TSPAN18: variants seen among roughly 807,000 people sequenced by gnomAD.
TSPAN18 encodes tetraspanin 18, also known as tetraspanin-18.
A neutral mutation model predicts 27.3 loss-of-function variants in TSPAN18; 14 were observed. The ratio of observed to expected loss-of-function variants is 0.51; its 90% CI spans 0.34 to 0.80. TSPAN18 has a LOEUF of 0.80. TSPAN18 is among the 30% of genes least tolerant of loss of function. TSPAN18 has a pLI of 0.01. For missense variants in TSPAN18, 268 were observed against 323.9 expected (o/e 0.83, Z 1.32); for synonymous variants, 143 against 136.5 (o/e 1.05, Z -0.33).
At chr11:44,782,719 G>A (rs770607853) in intron 2 of TSPAN18, among the ~76,000 whole-genome samples, 3 of 152,098 alleles carry the variant, frequency 2.0e-5, no homozygotes, top group African/African-American at 4.8e-5. Context: ...GTTGCGTAAC[G>A]GTATCGCATT....
chr11:44,929,134 T>A lies in TSPAN18; in HGVS notation c.703T>A (p.Phe235Ile). 1 of 1,613,488 alleles carries A rather than the reference T, an allele frequency of 6.2e-7. No individual in the cohort carries two copies. Among genetic ancestry groups the A allele is most frequent in the Non-Finnish European group, 8.5e-7 (1 of 1,180,032 alleles). ...TGCTCTTTTTCTTTTTTTGCAGCTTTTCGCCATGATCTTTGCCATGTGCCT... is the reference window on the plus strand; with the variant it reads ...TGCTCTTTTTCTTTTTTTGCAGCTTATCGCCATGATCTTTGCCATGTGCCT... ...LAIGVLAIEL[F>I]AMIFAMCLFR... is the part of the protein sequence containing the mutation. The change falls in exon 10 of 10, where the codon TTC becomes ATC. Residue 235 changes from phenylalanine (F) to isoleucine (I), a missense_variant. By Grantham distance (21) the Phe-to-Ile change is conservative. Coordinates refer to ENST00000520358, the MANE Select transcript of TSPAN18 (RefSeq NM_130783.5).
chr11:44,909,121 T>G (rs1162791214), intron 4 of TSPAN18, among the ~76,000 whole-genome samples: 1 of 152,172 alleles, frequency 6.6e-6, no homozygotes, highest in African/African-American at 2.4e-5. Flanking sequence ...GGGAGCCCAC[T>G]CTCAAGTTGG....
intron 2 of TSPAN18, among the ~76,000 whole-genome samples, chr11:44,822,100 G>A (rs1856940474): frequency 6.6e-6 from 1 of 152,200 alleles, no homozygotes; most frequent in African/African-American, 2.4e-5. Context: ...GAAAGGTGGG[G>A]TGGGGGTACA....
At chr11:44,866,330 A>G (rs1422789854) in intron 3 of TSPAN18, among the ~76,000 whole-genome samples, 1 of 152,188 alleles carries the variant, frequency 6.6e-6, no homozygotes, top group East Asian at 1.9e-4. Context: ...AATCCCAATT[A>G]TGTTGGGGAG....
At chr11:44,928,050 C>A (rs1258064427) in intron 9 of TSPAN18, among the ~76,000 whole-genome samples, 1 of 152,324 alleles carries the variant, frequency 6.6e-6, no homozygotes, top group African/African-American at 2.4e-5. Context: ...CCCCTCCCCA[C>A]CCCAGTGAGC....
At chr11:44,867,321 T>G (rs1360783108) in intron 3 of TSPAN18, among the ~76,000 whole-genome samples, 2 of 147,142 alleles carry the variant, frequency 1.4e-5, no homozygotes, top group Non-Finnish European at 3.0e-5. Flanking sequence ...CTGCAATGCA[T>G]CAGCCCATAG....
chr11:44,773,236 G>A (rs2134922484), intron 2 of TSPAN18, among the ~76,000 whole-genome samples: 1 of 152,058 alleles, frequency 6.6e-6, no homozygotes, highest in East Asian at 2.0e-4. Flanking sequence ...GACCAACATG[G>A]AGAAACCCCG....
At chr11:44,740,044 T>C (rs548615443) in intron 1 of TSPAN18, among the ~76,000 whole-genome samples, 1 of 152,208 alleles carries the variant, frequency 6.6e-6, no homozygotes, top group Admixed American at 6.5e-5. Context: ...TCCCACCAAA[T>C]GGACAATCTG....
intron 4 of TSPAN18, 197 bp from the exon 5 acceptor site, chr11:44,909,508 C>T (rs1196367101): frequency 5.9e-5 from 34 of 576,594 alleles, no homozygotes; most frequent in Non-Finnish European, 9.7e-5. Flanking sequence ...CTTAAGGTCA[C>T]GGCAGCTAGA....
At chr11:44,770,792 C>T (rs1455495191) in intron 2 of TSPAN18, among the ~76,000 whole-genome samples, 1 of 152,106 alleles carries the variant, frequency 6.6e-6, no homozygotes, top group Non-Finnish European at 1.5e-5. Context: ...GAAGCCACAA[C>T]ATTCAGGATC....
At position 44,774,111 on chromosome 11, in the gene TSPAN18, T is replaced by A. The variant is rs189221665; in HGVS notation, c.-153+9599T>A. Among the ~76,000 whole-genome samples, 328 of 152,304 alleles carry A rather than the reference T, an allele frequency of 2.2e-3. 1 individual carries two copies. The highest frequency in any genetic ancestry group is 3.3e-3 in the Admixed American group (51 of 15,284). On this transcript the variant is annotated intron_variant, in intron 2 of 9. Coordinates refer to ENST00000520358, the MANE Select transcript of TSPAN18 (RefSeq NM_130783.5). Reference sequence around the variant, plus strand: ...GATAAGGATCCAGGGGTTTTGTTTTTTATTTCTGCCGAGACTCCCCAGAGA... The same window carrying A: ...GATAAGGATCCAGGGGTTTTGTTTTATATTTCTGCCGAGACTCCCCAGAGA...
At chr11:44,782,083 A>T (rs2134954451) in intron 2 of TSPAN18, among the ~76,000 whole-genome samples, 1 of 152,302 alleles carries the variant, frequency 6.6e-6, no homozygotes, top group Non-Finnish European at 1.5e-5. Context: ...TTGTGTATCC[A>T]TTCACCCTTT....
At chr11:44,788,192 A>AC (rs1253283318) in intron 2 of TSPAN18, among the ~76,000 whole-genome samples, 2 of 152,024 alleles carry the variant, frequency 1.3e-5, no homozygotes, top group Non-Finnish European at 2.9e-5. Context: ...TCATCCCAGG[A>AC]CCCTCAGTCC....
chr11:44,889,425 A>G (rs148791962), intron 3 of TSPAN18, among the ~76,000 whole-genome samples: 45 of 152,304 alleles, frequency 3.0e-4, no homozygotes, highest in African/African-American at 1.1e-3. Flanking sequence ...AGAAAAGGCC[A>G]TGGCCACCTC....
intron 3 of TSPAN18, among the ~76,000 whole-genome samples, chr11:44,900,814 C>T (rs1284790523): frequency 6.6e-6 from 1 of 150,866 alleles, no homozygotes; most frequent in Non-Finnish European, 1.5e-5. Flanking sequence ...CTGCCTCAGC[C>T]TCCCGAGTTG....
Position 44,919,984 on chromosome 11 carries a change from A to G in TSPAN18, c.600A>G (p.Leu200=). 6.2e-7 allele frequency: 1 copy of G among 1,613,624 alleles called. No homozygotes were observed. The change falls in exon 8 of 10, where the codon CTA becomes CTG. Residue 200 remains leucine, a synonymous_variant. Transcript: ENST00000520358. ...AGGAGTGCCTCCTGGGAAGGAGCCT[A>G]TTCCTAAACAAGCAGGTACTGGCCC... ...SREECLLGRS[L]FLNKQGCYTV...
In TSPAN18 at chr11:44,841,270, A is replaced by T. The variant is rs1372445535; in HGVS notation, c.-152-19058A>T. On this transcript the variant is annotated intron_variant, in intron 2 of 9. Coordinates refer to ENST00000520358, the MANE Select transcript of TSPAN18 (RefSeq NM_130783.5). ...GGTGGCTCATGCCTTTAATCCCAGC[A>T]CTTTGGGAAGCTGAGGCAGGTGGAT... Among the ~76,000 whole-genome samples, 4 of 152,274 alleles carry T rather than the reference A, an allele frequency of 2.6e-5. No individual in the cohort carries two copies. In the East Asian group the frequency reaches 7.7e-4, roughly 29 times the overall value.
intron 4 of TSPAN18, among the ~76,000 whole-genome samples, chr11:44,908,810 A>AAGGAAGGAAGGAAGGAAGGAAGGAAG (rs1564993103): frequency 8.6e-6 from 1 of 116,424 alleles, no homozygotes; most frequent in African/African-American, 3.6e-5. Flanking sequence ...AAAGAAAGAA[A>AAGGAAGGAAGGAAGGAAGGAAGGAAG]GAAAGAAAGA....
intron 2 of TSPAN18, among the ~76,000 whole-genome samples, chr11:44,858,451 C>T (rs1305399757): frequency 2.0e-5 from 3 of 152,228 alleles, no homozygotes; most frequent in South Asian, 2.1e-4. Context: ...ACAGAGGGTC[C>T]GTGATCCCCT....
Sources: allele counts gnomAD v4.1 joint callset (sites outside exome capture counted in the v4.1 genomes callset), GRCh38; gene constraint gnomAD v4.1.1; transcripts MANE v1.5; gene names NCBI Gene and HGNC (gene_info 2026-07-23, HGNC 2026-07-21).